The following MECOM variants were observed in gnomAD, a reference collection of about 807,000 sequenced individuals.
MECOM encodes the protein histone-lysine N-methyltransferase MECOM.
MECOM carries 13 observed loss-of-function variants against 116.3 expected under a neutral mutation model. That is an observed-to-expected ratio of 0.11 (90% CI 0.07 to 0.18). The LOEUF (loss-of-function observed/expected upper bound fraction) is 0.18. Among genes scored for constraint, MECOM ranks in the 10% least tolerant of loss-of-function variants. MECOM has a pLI of 1.00. For missense variants in MECOM, 1,299 were observed against 1,509.0 expected (o/e 0.86, Z 2.31); for synonymous variants, 528 against 535.2 (o/e 0.99, Z 0.19).
intron 1 of MECOM, among the ~76,000 whole-genome samples, chr3:169,457,559 A>G (rs983437134): frequency 1.3e-5 from 2 of 152,234 alleles, no homozygotes; most frequent in Admixed American, 6.5e-5. Context: ...CAGAACATAC[A>G]TAAAAGACAA....
chr3:169,095,393 T>C (rs563898299), intron 12 of MECOM, 148 bp from the exon 13 acceptor site: 87 of 577,198 alleles, frequency 1.5e-4, no homozygotes, highest in African/African-American at 1.4e-3. Context: ...ACAATTAAGA[T>C]TTCAATTCCA....
At chr3:169,219,425 T>C (rs1198146262) in intron 2 of MECOM, among the ~76,000 whole-genome samples, 3 of 152,168 alleles carry the variant, frequency 2.0e-5, no homozygotes, top group South Asian at 4.1e-4. Context: ...GAGAATGGCC[T>C]GAACCTGGGA....
intron 1 of MECOM, among the ~76,000 whole-genome samples, chr3:169,556,308 A>T (rs1179918671): frequency 6.6e-6 from 1 of 152,164 alleles, no homozygotes; most frequent in Non-Finnish European, 1.5e-5. Context: ...GGCTCCCACC[A>T]GTGGATGGTG....
At chr3:169,408,932 C>A (rs151191956) in intron 1 of MECOM, among the ~76,000 whole-genome samples, 8 of 152,232 alleles carry the variant, frequency 5.3e-5, no homozygotes, top group African/African-American at 1.9e-4. Flanking sequence ...CTCCTCACAG[C>A]TAGCATGGTG....
chr3:169,272,197 A>G (rs903869259), intron 2 of MECOM, among the ~76,000 whole-genome samples: 16 of 152,334 alleles, frequency 1.1e-4, no homozygotes, highest in Admixed American at 9.8e-4. Context: ...TGTTAAACGC[A>G]AAGGAGTCTC....
At chr3:169,636,874 C>G (rs6444869) in intron 1 of MECOM, among the ~76,000 whole-genome samples, 72,280 of 151,996 alleles carry the variant, frequency 0.48, 20,083 homozygotes, top group African/African-American at 0.78. Context: ...GCAAACCTAG[C>G]CTAACACTCT....
At chr3:169,656,131 C>T (rs1174470222) in intron 1 of MECOM, among the ~76,000 whole-genome samples, 6 of 152,164 alleles carry the variant, frequency 3.9e-5, no homozygotes, top group East Asian at 1.9e-4. Flanking sequence ...GCCTGCCCAT[C>T]GCCAAAGCAC....
intron 2 of MECOM, among the ~76,000 whole-genome samples, chr3:169,375,614 C>T (rs1730886048): frequency 6.6e-6 from 1 of 152,040 alleles, no homozygotes; most frequent in African/African-American, 2.4e-5. Context: ...ATACACCCTC[C>T]AAAGGCTAAA....
intron 1 of MECOM, among the ~76,000 whole-genome samples, chr3:169,382,445 C>G (rs2108283886): frequency 6.6e-6 from 1 of 152,198 alleles, no homozygotes; most frequent in African/African-American, 2.4e-5. Context: ...CGGCGCCACA[C>G]TTGAAGTAAA....
intron 5 of MECOM, among the ~76,000 whole-genome samples, chr3:169,126,741 T>C (rs753336893): frequency 2.6e-5 from 4 of 152,052 alleles, no homozygotes; most frequent in African/African-American, 4.8e-5. Context: ...TAAAATGAAC[T>C]ACTAGATGAA....
At chr3:169,372,912 C>T (rs1458465232) in intron 2 of MECOM, among the ~76,000 whole-genome samples, 2 of 152,006 alleles carry the variant, frequency 1.3e-5, no homozygotes, top group Non-Finnish European at 2.9e-5. Flanking sequence ...GGAAGTCTCA[C>T]TCCAGAAGAA....
intron 1 of MECOM, among the ~76,000 whole-genome samples, chr3:169,555,316 G>C (rs1761897139): frequency 6.6e-6 from 1 of 152,236 alleles, no homozygotes; most frequent in Non-Finnish European, 1.5e-5. Context: ...TTTCCCTCGG[G>C]GATTTCACAG....
intron 9 of MECOM, among the ~76,000 whole-genome samples, chr3:169,110,326 C>T (rs1224035149): frequency 1.3e-5 from 2 of 151,992 alleles, no homozygotes; most frequent in African/African-American, 4.8e-5. Flanking sequence ...TGCTTTTGCA[C>T]CCACTAATAA....
At chr3:169,124,752 A>T (rs1043796015) in intron 5 of MECOM, among the ~76,000 whole-genome samples, 6 of 152,106 alleles carry the variant, frequency 3.9e-5, no homozygotes, top group Non-Finnish European at 8.8e-5. Flanking sequence ...GATTTTAAAA[A>T]TCCTATCCGC....
intron 1 of MECOM, among the ~76,000 whole-genome samples, chr3:169,649,794 G>A (rs976296878): frequency 6.6e-6 from 1 of 152,146 alleles, no homozygotes; most frequent in East Asian, 1.9e-4. Flanking sequence ...AATTAAAATT[G>A]CAAAGTAAAT....
At chr3:169,528,403 G>A (rs1758199037) in intron 1 of MECOM, among the ~76,000 whole-genome samples, 1 of 152,194 alleles carries the variant, frequency 6.6e-6, no homozygotes, top group African/African-American at 2.4e-5. Flanking sequence ...TTGTTCAAGT[G>A]TAGCTTGCAT....
chr3:169,662,664 A>G (rs1008233299), intron 1 of MECOM, among the ~76,000 whole-genome samples: 4 of 145,036 alleles, frequency 2.8e-5, no homozygotes, highest in South Asian at 2.3e-4. Context: ...GCCGGAGAGC[A>G]TGGCCGAGCG....
chr3:169,336,154 A>T (rs1464551288), intron 2 of MECOM, among the ~76,000 whole-genome samples: 1 of 152,108 alleles, frequency 6.6e-6, no homozygotes, highest in African/African-American at 2.4e-5. Context: ...CAGAAATGTT[A>T]AAATTCCAGT....
At position 169,507,650 on chromosome 3, in the gene MECOM, C is replaced by CTTTTTTTTTTTT. The variant is rs1165167849; in HGVS notation, c.38-126138_38-126127dup. ...CAATTTTGGTTTAAATCCCCACTTG[C>CTTTTTTTTTTTT]TTTTTTTTTTTTTTTTTTTTTTTTT... On this transcript the variant is annotated intron_variant, in intron 1 of 16. Coordinates refer to ENST00000651503, the MANE Select transcript of MECOM (RefSeq NM_004991.4). Among the ~76,000 whole-genome samples, 191 of 57,146 alleles carry CTTTTTTTTTTTT rather than the reference C, an allele frequency of 3.3e-3. 30 individuals carry two copies. Among genetic ancestry groups the CTTTTTTTTTTTT allele is most frequent in the Middle Eastern group, 0.014 (1 of 74 alleles). 37.5% of individuals were successfully genotyped at this position (57,146 alleles called of 152,430 possible).
Sources: gnomAD v4.1 joint callset for allele counts (sites outside exome capture counted in the v4.1 genomes callset) on GRCh38, gnomAD v4.1.1 for gene constraint, MANE v1.5 for transcripts, NCBI Gene and HGNC (gene_info 2026-07-23, HGNC 2026-07-21) for gene names.